Variants in FKBP1A observed in about 807,000 individuals in gnomAD.
FKBP1A encodes the protein peptidyl-prolyl cis-trans isomerase FKBP1A.
In FKBP1A, 5 loss-of-function variants were observed where a neutral mutation model predicts 14.2. That is an observed-to-expected ratio of 0.35 (90% CI 0.18 to 0.74). The LOEUF is 0.74. FKBP1A is among the 30% of genes least tolerant of loss of function. FKBP1A has a pLI of 0.56. For synonymous variants in FKBP1A, 42 were observed against 49.1 expected (o/e 0.86, Z 0.60); for missense variants, 53 against 138.8 (o/e 0.38, Z 3.10).
chr20:1,375,396 CT>C (rs1257431899), intron 3 of FKBP1A, 94 bp downstream of exon 3: 5 of 883,444 alleles, frequency 5.7e-6, no homozygotes, highest in Middle Eastern at 2.6e-4. Context: ...AGACTTTTCA[CT>C]TTTTTTATTT....
At chr20:1,387,057 G>C (rs1370733897) in intron 2 of FKBP1A, among the ~76,000 whole-genome samples, 1 of 152,182 alleles carries the variant, frequency 6.6e-6, no homozygotes, top group South Asian at 2.1e-4. Context: ...AATATTTTTA[G>C]AGAAAATTCC....
At chr20:1,389,637 C>G (rs890951987) in intron 2 of FKBP1A, among the ~76,000 whole-genome samples, 1 of 152,138 alleles carries the variant, frequency 6.6e-6, no homozygotes, top group African/African-American at 2.4e-5. Context: ...TAAACCTGAT[C>G]CCAAGGACAA....
chr20:1,385,664 TAAG>T (rs1488127900), intron 2 of FKBP1A, among the ~76,000 whole-genome samples: 1 of 152,108 alleles, frequency 6.6e-6, no homozygotes, highest in African/African-American at 2.4e-5. Context: ...CAAGACCCTC[TAAG>T]AAGTGTCAAG....
intron 4 of FKBP1A, 168 bp from the exon 5 acceptor site, chr20:1,370,240 G>A: frequency 6.1e-6 from 6 of 985,438 alleles, no homozygotes; most frequent in Non-Finnish European, 7.2e-6. Context: ...GACTTGGGCT[G>A]GGTCCCAGGT....
rs367880742 is a variant in FKBP1A at position 1,379,027 on chromosome 20, C to CT, written c.86-3425dup. On this transcript the variant is annotated intron_variant, in intron 2 of 4. Coordinates refer to ENST00000400137, the MANE Select transcript of FKBP1A (RefSeq NM_000801.5). This position sits in a 1 kb window ranked among gnomAD's most constrained non-coding sequence, Gnocchi z 4.3. Reference sequence around the variant, plus strand: ...TAAAAAGAATGCTGATTGTGACCCACTACATTTATTTCATGATGCATTAAT... The same window carrying CT: ...TAAAAAGAATGCTGATTGTGACCCACTTACATTTATTTCATGATGCATTAAT... Among the ~76,000 whole-genome samples the CT allele has an allele frequency of 1.3e-5, 2 of 152,286 alleles. No homozygotes were observed. Among genetic ancestry groups the CT allele is most frequent in the African/African-American group, 4.8e-5 (2 of 41,546 alleles).
At chr20:1,377,162 G>C (rs1421445831) in intron 2 of FKBP1A, 1 of 152,192 alleles carries the variant, frequency 6.6e-6, no homozygotes, top group African/African-American at 2.4e-5. Flanking sequence ...AGGAAAAAAA[G>C]AAAATCCTGA....
At chr20:1,378,892 G>A (rs143885917) in intron 2 of FKBP1A, among the ~76,000 whole-genome samples, 194 of 152,226 alleles carry the variant, frequency 1.3e-3, no homozygotes, top group African/African-American at 3.9e-3. Flanking sequence ...TCCCTGATCC[G>A]CGACAATGGG....
intron 2 of FKBP1A, among the ~76,000 whole-genome samples, chr20:1,390,403 C>A (rs2089720949): frequency 6.6e-6 from 1 of 151,922 alleles, no homozygotes. Context: ...TTCCACCACC[C>A]ACCAGTTGGG....
At position 1,379,640 on chromosome 20, in the gene FKBP1A, A is replaced by T. The variant is rs1255299602; in HGVS notation, c.86-4037T>A. ...TGCTCCAGAATTTCAGACCACAGTC[A>T]CCAACTGTCAATCTCATCTACTTTC... On this transcript the variant is annotated intron_variant, in intron 2 of 4. Transcript: ENST00000400137. This position sits in a 1 kb window ranked among gnomAD's most constrained non-coding sequence, Gnocchi z 4.3. Among the ~76,000 whole-genome samples the T allele has an allele frequency of 6.6e-6, 1 of 152,214 alleles. No homozygotes were observed. Among genetic ancestry groups the T allele is most frequent in the East Asian group, 1.9e-4 (1 of 5,192 alleles).
intron 2 of FKBP1A, chr20:1,377,561 G>C (rs1216900983): frequency 6.6e-6 from 1 of 152,184 alleles, no homozygotes; most frequent in Non-Finnish European, 1.5e-5. Flanking sequence ...CTCTATAAAT[G>C]AGTACCTGGG....
At chr20:1,373,502 T>G (rs1194702684) in intron 3 of FKBP1A, among the ~76,000 whole-genome samples, 1 of 152,196 alleles carries the variant, frequency 6.6e-6, no homozygotes, top group East Asian at 1.9e-4. Flanking sequence ...TCTTCCTGTG[T>G]TTTTAACTCA....
In FKBP1A at chr20:1,369,722, A is replaced by AC. The variant is rs34401063; in HGVS notation, c.*386dup. The stretch of plus-strand genomic sequence containing the variant: ...AAATTAAAATAAAATATTCTTGCAA[A>AC]CCCCCCCCCCAACACCAATTCCTAT... On this transcript the variant is annotated 3_prime_UTR_variant, in exon 5 of 5. Transcript: ENST00000400137. 0.01 allele frequency: 1,836 copies of AC among 183,116 alleles called. 10 individuals carry two copies. The highest frequency in any genetic ancestry group is 8.8e-3 in the Non-Finnish European group (712 of 81,244). 11.3% of individuals were successfully genotyped at this position (183,116 alleles called of 1,614,324 possible).
At chr20:1,391,370 G>A (rs906581882) in intron 2 of FKBP1A, among the ~76,000 whole-genome samples, 3 of 152,120 alleles carry the variant, frequency 2.0e-5, no homozygotes, top group Non-Finnish European at 2.9e-5. Flanking sequence ...GACCTCCCAG[G>A]CTCAGGTGCT....
chr20:1,378,031 GC>G (rs1266548285), intron 2 of FKBP1A: 1 of 137,564 alleles, frequency 7.3e-6, no homozygotes, highest in African/African-American at 2.7e-5. Context: ...ATCAATCCAA[GC>G]CCTTCCCCTA....
At chr20:1,380,275 A>G (rs2089602431) in intron 2 of FKBP1A, among the ~76,000 whole-genome samples, 1 of 152,156 alleles carries the variant, frequency 6.6e-6, no homozygotes, top group Admixed American at 6.5e-5. Flanking sequence ...CCTAGAGTCC[A>G]TAGGACACAG....
At chr20:1,382,143 G>A (rs1409736444) in intron 2 of FKBP1A, among the ~76,000 whole-genome samples, 1 of 152,190 alleles carries the variant, frequency 6.6e-6, no homozygotes, top group African/African-American at 2.4e-5. Context: ...GGAGGGAACA[G>A]GTAAAGCAGG....
intron 2 of FKBP1A, among the ~76,000 whole-genome samples, chr20:1,376,463 C>G (rs925581328): frequency 1.3e-5 from 2 of 152,224 alleles, no homozygotes; most frequent in African/African-American, 4.8e-5. Context: ...ACAGAGATGA[C>G]TGAAGAGAAC....
intron 2 of FKBP1A, among the ~76,000 whole-genome samples, chr20:1,384,832 G>A (rs980862187): frequency 1.3e-5 from 2 of 152,148 alleles, no homozygotes; most frequent in Non-Finnish European, 2.9e-5. Flanking sequence ...ATTTTCCTGA[G>A]ATCACCAACA....
chr20:1,372,666 G>A (rs2089483611), intron 3 of FKBP1A, among the ~76,000 whole-genome samples: 1 of 152,080 alleles, frequency 6.6e-6, no homozygotes, highest in African/African-American at 2.4e-5. Flanking sequence ...TATATACACA[G>A]GAAGTAATAC....
Sources: allele counts gnomAD v4.1 joint callset (sites outside exome capture counted in the v4.1 genomes callset), GRCh38; gene constraint gnomAD v4.1.1; non-coding constraint Gnocchi (gnomAD v3.1); transcripts MANE v1.5; gene names NCBI Gene and HGNC (gene_info 2026-07-23, HGNC 2026-07-21).